The following KDM2A variants were observed in gnomAD, a reference collection of about 807,000 sequenced individuals.
The protein encoded by KDM2A is lysine-specific demethylase 2A.
Under a neutral mutation model 137.3 loss-of-function variants are expected in KDM2A, and 3 were observed. The observed-to-expected ratio is 0.02, with a 90% CI of 0.01 to 0.06. The LOEUF (loss-of-function observed/expected upper bound fraction) is 0.06, where lower values mean the gene tolerates loss of function less well. KDM2A is among the 10% of genes least tolerant of loss of function. The pLI, the probability that KDM2A is intolerant of heterozygous loss-of-function variation, is 1.00. For missense variants in KDM2A, 738 were observed against 1,510.6 expected, an observed-to-expected ratio of 0.49 and a Z score of 8.48; for synonymous variants, 512 against 541.5, an observed-to-expected ratio of 0.95 and a Z score of 0.76.
chr11:67,196,913 T>TA (rs1206287488), intron 5 of KDM2A: 2 of 156,386 alleles, frequency 1.3e-5, no homozygotes, highest in Non-Finnish European at 2.8e-5. Flanking sequence ...GAAAAAAAAA[T>TA]AGACTCCTGG....
At chr11:67,132,601 A>G (rs1417709074) in intron 2 of KDM2A, among the ~76,000 whole-genome samples, 5 of 152,144 alleles carry the variant, frequency 3.3e-5, no homozygotes, top group African/African-American at 4.8e-5. Context: ...TGTTTTTAAT[A>G]TAACAGTGAT....
intron 5 of KDM2A, among the ~76,000 whole-genome samples, chr11:67,201,758 G>A (rs991366002): frequency 4.8e-4 from 49 of 103,126 alleles, no homozygotes; most frequent in African/African-American, 1.8e-3. Context: ...AGGCAACAGA[G>A]CTAGACTCCA....
chr11:67,201,894 G>C (rs1303693425), intron 5 of KDM2A, among the ~76,000 whole-genome samples: 1 of 151,304 alleles, frequency 6.6e-6, no homozygotes, highest in Non-Finnish European at 1.5e-5. Context: ...ATTCGAGGTT[G>C]CAATGAGCTC....
At chr11:67,228,295 C>A in intron 11 of KDM2A, 132 bp downstream of exon 11, 3 of 951,742 alleles carry the variant, frequency 3.2e-6, no homozygotes, top group Non-Finnish European at 4.7e-6. Flanking sequence ...CCAAATTCAT[C>A]ACTGGAATTG....
rs1269546173 is a variant in KDM2A, at chr11:67,217,842, C to T, written c.799C>T (p.Arg267Cys). 2 of 1,612,930 alleles carry T rather than the reference C, an allele frequency of 1.2e-6. No homozygotes were observed. The highest frequency in any genetic ancestry group is 1.7e-6 in the Non-Finnish European group (2 of 1,179,536). Residue 267 changes from arginine to cysteine, a missense_variant, in exon 9 of 21, where the codon CGC (arginine) becomes TGC (cysteine). Around this residue, in one of 9 missense-constraint regions of KDM2A, gnomAD observed 43 missense variants for 254.6 expected, o/e 0.17. Coordinates refer to ENST00000529006, the MANE Select transcript of KDM2A (RefSeq NM_012308.3). ...FLGDRVSDCQRIELKQGYTFV... is the reference protein window; with the variant it reads ...FLGDRVSDCQCIELKQGYTFV... The stretch of plus-strand genomic sequence containing the variant: ...GGGTGACCGGGTATCAGATTGTCAG[C>T]GCATTGAGCTCAAGCAGGGCTATAC...
intron 11 of KDM2A, 67 bp from the exon 12 acceptor site, chr11:67,231,499 C>A: frequency 1.4e-6 from 2 of 1,403,502 alleles, no homozygotes; most frequent in South Asian, 1.5e-5. Context: ...ATCATGCCAC[C>A]TATTTCTCTT....
At chr11:67,172,692 G>A (rs1182355244) in intron 2 of KDM2A, among the ~76,000 whole-genome samples, 2 of 151,402 alleles carry the variant, frequency 1.3e-5, no homozygotes, top group Non-Finnish European at 2.9e-5. Flanking sequence ...TGTAATTTGT[G>A]AATAGATGTA....
intron 5 of KDM2A, among the ~76,000 whole-genome samples, chr11:67,184,998 A>G (rs180720172): frequency 8.5e-5 from 13 of 152,184 alleles, no homozygotes; most frequent in Non-Finnish European, 1.8e-4. Context: ...CATTCAAAGG[A>G]AAAAAATCAA....
chr11:67,139,972 G>A (rs1412880956), intron 2 of KDM2A, among the ~76,000 whole-genome samples: 2 of 151,674 alleles, frequency 1.3e-5, no homozygotes, highest in African/African-American at 4.8e-5. Context: ...CCACAGTGTT[G>A]GAACTATAGG....
chr11:67,183,237 A>ATGT (rs1842436213), intron 5 of KDM2A, among the ~76,000 whole-genome samples: 1 of 152,228 alleles, frequency 6.6e-6, no homozygotes, highest in African/African-American at 2.4e-5. Flanking sequence ...TACTCGTCAC[A>ATGT]AGACAGAACA....
At chr11:67,188,808 A>AT (rs1857273388) in intron 5 of KDM2A, among the ~76,000 whole-genome samples, 1 of 152,020 alleles carries the variant, frequency 6.6e-6, no homozygotes, top group Non-Finnish European at 1.5e-5. Flanking sequence ...AAAAAAAAAA[A>AT]AATGTTTCAA....
intron 12 of KDM2A, among the ~76,000 whole-genome samples, chr11:67,232,868 T>C: frequency 6.6e-6 from 1 of 151,894 alleles, no homozygotes; most frequent in East Asian, 1.9e-4. Context: ...CCACCATGCC[T>C]GGCTAATTTT....
At chr11:67,180,837 C>T (rs567762326) in intron 3 of KDM2A, among the ~76,000 whole-genome samples, 8 of 150,054 alleles carry the variant, frequency 5.3e-5, no homozygotes, top group Middle Eastern at 3.4e-3. Flanking sequence ...TTTTTTTATA[C>T]TTTTAGTAGA....
At chr11:67,186,628 C>G (rs989634516) in intron 5 of KDM2A, among the ~76,000 whole-genome samples, 5 of 152,160 alleles carry the variant, frequency 3.3e-5, no homozygotes, top group Admixed American at 3.3e-4. Flanking sequence ...TTAACAATGG[C>G]TTTTAACTCC....
intron 5 of KDM2A, among the ~76,000 whole-genome samples, chr11:67,203,088 A>G (rs992632436): frequency 6.6e-6 from 1 of 151,934 alleles, no homozygotes; most frequent in Admixed American, 6.6e-5. Flanking sequence ...AGCAACCACC[A>G]CCACTCTGAT....
At chr11:67,216,954 T>A (rs777527172) in intron 8 of KDM2A, among the ~76,000 whole-genome samples, 32 of 150,534 alleles carry the variant, frequency 2.1e-4, no homozygotes, top group Non-Finnish European at 4.7e-4. Flanking sequence ...CAAAAAAACA[T>A]GAGGTCTTGT....
chr11:67,156,979 A>C (rs1856529654), intron 2 of KDM2A, among the ~76,000 whole-genome samples: 1 of 152,126 alleles, frequency 6.6e-6, no homozygotes. Context: ...TGTATGGCCC[A>C]CAAAATTTAA....
chr11:67,135,353 C>T (rs544987169), intron 2 of KDM2A, among the ~76,000 whole-genome samples: 1 of 152,162 alleles, frequency 6.6e-6, no homozygotes, highest in African/African-American at 2.4e-5. Context: ...CGTGAGCCAC[C>T]GCGCCCAGCA....
intron 5 of KDM2A, among the ~76,000 whole-genome samples, chr11:67,189,333 T>C (rs749874759): frequency 5.3e-5 from 8 of 152,176 alleles, no homozygotes; most frequent in Admixed American, 1.3e-4. Flanking sequence ...AGAAAATACT[T>C]ATAGATGAAT....
Sources: gnomAD v4.1 joint callset for allele counts (sites outside exome capture counted in the v4.1 genomes callset) on GRCh38, gnomAD v4.1.1 for gene constraint, gnomAD v4.1.1 regional missense constraint, MANE v1.5 for transcripts, NCBI Gene and HGNC (gene_info 2026-07-23, HGNC 2026-07-21) for gene names.